Variants in DPF3 observed in about 807,000 individuals in gnomAD.
The protein encoded by DPF3 is zinc finger protein DPF3.
DPF3 carries 18 observed loss-of-function variants against 56.8 expected under a neutral mutation model. That is an observed-to-expected ratio of 0.32 (90% CI 0.22 to 0.47). The LOEUF is 0.47. DPF3 is among the 20% of genes least tolerant of loss of function. The pLI is 1.00. For synonymous variants in DPF3, 188 were observed against 180.2 expected (o/e 1.04, Z -0.35); for missense variants, 403 against 488.8 (o/e 0.82, Z 1.65).
chr14:72,639,839 A>C (rs1286548240), intron 8 of DPF3, among the ~76,000 whole-genome samples: 1 of 152,128 alleles, frequency 6.6e-6, no homozygotes, highest in Non-Finnish European at 1.5e-5. Context: ...GTTTTGGAGT[A>C]ATTTCTTACA....
At position 72,626,069 on chromosome 14, in the gene DPF3, G is replaced by A. The variant is rs561107303; in HGVS notation, c.984+3555C>T. Among the ~76,000 whole-genome samples, 5 of 151,780 alleles carry A rather than the reference G, an allele frequency of 3.3e-5. No individual in the cohort carries two copies. The East Asian group carries it at 5.8e-4, about 18-fold the overall frequency. ...GTTATTCTTTTCTTCCTCACTCTTC[G>A]GTATAGTTACATTATCTATTTACGT... On this transcript the variant is annotated intron_variant, in intron 9 of 10. Transcript: ENST00000556509.
At chr14:72,839,601 G>C (rs752141392) in intron 1 of DPF3, among the ~76,000 whole-genome samples, 1 of 152,172 alleles carries the variant, frequency 6.6e-6, no homozygotes, top group East Asian at 1.9e-4. Context: ...TCACAAGCCC[G>C]TCTGCCTTTC....
At position 72,615,337 on chromosome 14, in the gene DPF3, C is replaced by T. The variant is rs931646761; in HGVS notation, c.*3960G>A. Among the ~76,000 whole-genome samples the T allele has an allele frequency of 2.0e-5, 3 of 152,234 alleles. No individual in the cohort carries two copies. Among genetic ancestry groups the T allele is most frequent in the East Asian group, 1.9e-4 (1 of 5,172 alleles). ...GAGGTTGCCAGCAACCTTTCTTCAGCGGCATAAAAGAGCACAGGTCTCCTC... is the reference window on the plus strand; with the variant it reads ...GAGGTTGCCAGCAACCTTTCTTCAGTGGCATAAAAGAGCACAGGTCTCCTC... On this transcript the variant is annotated 3_prime_UTR_variant, in exon 11 of 11. Transcript: ENST00000556509.
chr14:72,632,883 A>G (rs1885251821), intron 8 of DPF3, among the ~76,000 whole-genome samples: 1 of 146,120 alleles, frequency 6.8e-6, no homozygotes, highest in South Asian at 2.4e-4. Context: ...GGAAGGGAGG[A>G]AGGAAGGATG....
intron 1 of DPF3, among the ~76,000 whole-genome samples, chr14:72,871,694 G>A (rs1270912550): frequency 1.3e-5 from 2 of 152,196 alleles, no homozygotes; most frequent in Non-Finnish European, 2.9e-5. Context: ...AGCACTTTGG[G>A]AGGGTGAGGC....
chr14:72,645,482 G>A (rs1236031374), intron 8 of DPF3, among the ~76,000 whole-genome samples: 1 of 151,940 alleles, frequency 6.6e-6, no homozygotes, highest in Non-Finnish European at 1.5e-5. Context: ...CACCATGCCT[G>A]GCTAATTTTT....
intron 1 of DPF3, among the ~76,000 whole-genome samples, chr14:72,875,861 C>G (rs1397472575): frequency 1.2e-4 from 18 of 152,166 alleles, no homozygotes; most frequent in Admixed American, 1.2e-3. Flanking sequence ...GAATAAACCA[C>G]CCCGATCCCC....
At chr14:72,852,275 C>G (rs574587752) in intron 1 of DPF3, among the ~76,000 whole-genome samples, 13 of 152,322 alleles carry the variant, frequency 8.5e-5, no homozygotes, top group African/African-American at 3.1e-4. Flanking sequence ...AGTTGGAGGC[C>G]TAAGTACAGC....
At chr14:72,756,885 G>A (rs1011979231) in intron 2 of DPF3, among the ~76,000 whole-genome samples, 1,743 of 80,764 alleles carry the variant, frequency 0.022, 9 homozygotes, top group East Asian at 0.033. Context: ...AGGAAAGAAG[G>A]AAAGAAAGAA....
chr14:72,798,974 A>T (rs1481973058), intron 1 of DPF3, among the ~76,000 whole-genome samples: 1 of 152,190 alleles, frequency 6.6e-6, no homozygotes, highest in African/African-American at 2.4e-5. Context: ...CTCATACCCA[A>T]GCATCTCAGG....
intron 2 of DPF3, among the ~76,000 whole-genome samples, chr14:72,766,497 G>A (rs1438102222): frequency 6.6e-6 from 1 of 152,170 alleles, no homozygotes; most frequent in East Asian, 1.9e-4. Context: ...TGTAGCCTGG[G>A]CTGGAGTGCA....
At chr14:72,626,937 T>C (rs1225612961) in intron 9 of DPF3, among the ~76,000 whole-genome samples, 1 of 152,028 alleles carries the variant, frequency 6.6e-6, no homozygotes, top group Non-Finnish European at 1.5e-5. Flanking sequence ...TTTTTTTTTT[T>C]TTGCATCTTT....
intron 3 of DPF3, among the ~76,000 whole-genome samples, chr14:72,735,316 A>G (rs372033636): frequency 1.8e-4 from 27 of 152,284 alleles, no homozygotes; most frequent in African/African-American, 6.3e-4. Flanking sequence ...CCATTCTGCG[A>G]CAGTATCTAC....
rs1884228164 is a variant in DPF3 at position 72,618,568 on chromosome 14, A to T, written c.*729T>A. On this transcript the variant is annotated 3_prime_UTR_variant, in exon 11 of 11. Transcript: ENST00000556509. ...TCTTGCAAAGTCTCTCCCGATGGAT[A>T]ACAAGTACTGACTGGCTATGGCGGG... Among the ~76,000 whole-genome samples the T allele has an allele frequency of 6.6e-6, 1 of 152,190 alleles. No individual in the cohort carries two copies. Among genetic ancestry groups the T allele is most frequent in the South Asian group, 2.1e-4 (1 of 4,830 alleles).
chr14:72,884,953 T>TATATATATATATATATATATACAC (rs1316175906), intron 1 of DPF3, among the ~76,000 whole-genome samples: 1 of 73,780 alleles, frequency 1.4e-5, no homozygotes, highest in Admixed American at 1.8e-4. Context: ...TATATATATA[T>TATATATATATATATATATATACAC]ATATATATAT....
At chr14:72,752,698 C>T (rs1474487965) in intron 3 of DPF3, among the ~76,000 whole-genome samples, 1 of 152,166 alleles carries the variant, frequency 6.6e-6, no homozygotes, top group African/African-American at 2.4e-5. Context: ...ATAGACATAA[C>T]GCCACCAATT....
At chr14:72,647,359 A>G (rs186991060) in intron 8 of DPF3, among the ~76,000 whole-genome samples, 1 of 152,208 alleles carries the variant, frequency 6.6e-6, no homozygotes, top group Non-Finnish European at 1.5e-5. Context: ...TGCAAAGGAC[A>G]TCAATCCATA....
rs530898329 is a variant in DPF3 at position 72,787,033 on chromosome 14, CAG to C, written c.33-15142_33-15141del. 1.7e-3 allele frequency among the ~76,000 whole-genome samples: 260 copies of C among 152,368 alleles called. 4 individuals carry two copies. Among genetic ancestry groups the C allele is most frequent in the Middle Eastern group, 0.01 (3 of 294 alleles). ...CATTGCCCTCTCTCCAGAGCGGACT[CAG>C]AGAGAGTTGATTTTCTCTGTCAAAG... On this transcript the variant is annotated intron_variant, in intron 1 of 10. Coordinates refer to ENST00000556509, the MANE Select transcript of DPF3 (RefSeq NM_001280542.3).
chr14:72,831,570 T>C (rs1038608831), intron 1 of DPF3, among the ~76,000 whole-genome samples: 9 of 152,128 alleles, frequency 5.9e-5, no homozygotes, highest in Non-Finnish European at 1.3e-4. Context: ...CCTCGTTTCA[T>C]TGATGGGGAA....
Sources: gnomAD v4.1 joint callset for allele counts (sites outside exome capture counted in the v4.1 genomes callset) on GRCh38, gnomAD v4.1.1 for gene constraint, MANE v1.5 for transcripts, NCBI Gene and HGNC (gene_info 2026-07-23, HGNC 2026-07-21) for gene names.